Variants in FOXF2 observed in about 807,000 individuals in gnomAD.
The protein encoded by FOXF2 is forkhead box F2, also known as forkhead box protein F2.
In FOXF2, 15 loss-of-function variants were observed where a neutral mutation model predicts 29.1. The ratio of observed to expected loss-of-function variants is 0.52; its 90% CI spans 0.35 to 0.79. The LOEUF (loss-of-function observed/expected upper bound fraction) is 0.79. FOXF2 is among the 30% of genes least tolerant of loss of function. The pLI is 0.01. For synonymous variants in FOXF2, 337 were observed against 316.5 expected, an observed-to-expected ratio of 1.06 and a Z score of -0.69; for missense variants, 675 against 667.1, an observed-to-expected ratio of 1.01 and a Z score of -0.13.
At position 1,390,633 on chromosome 6, in the gene FOXF2, C is replaced by T; in HGVS notation, c.686C>T (p.Ala229Val). The T allele has an allele frequency of 6.3e-7, 1 of 1,581,774 alleles. No homozygotes were observed. The highest frequency in any genetic ancestry group is 8.5e-7 in the Non-Finnish European group (1 of 1,172,186). Residue 229 changes from alanine to valine, a missense_variant, in exon 1 of 2, where the codon GCG becomes GTG. Transcript: ENST00000645481. This position sits in a 1 kb window ranked among gnomAD's most constrained non-coding sequence, Gnocchi z 8.5. Reference sequence around the variant, plus strand: ...CTGCCCCAGGGCTTCGACTTCCAGGCGCCCCCGTCGGCGCCGCTCGGCTGC... The same window carrying T: ...CTGCCCCAGGGCTTCGACTTCCAGGTGCCCCCGTCGGCGCCGCTCGGCTGC... The part of the protein sequence containing the change: ...SLLPQGFDFQ[A>V]PPSAPLGCHS...
Position 1,390,446 on chromosome 6 carries a change from C to G in FOXF2, c.499C>G (p.Arg167Gly), listed in dbSNP as rs1758757756. Residue 167 changes from arginine to glycine, a missense_variant, in exon 1 of 2, where the codon CGG becomes GGG. Arg to Gly is a moderately radical substitution (Grantham distance 125, BLOSUM62 -2). Around this residue, in one of 3 missense-constraint regions of FOXF2, gnomAD observed 451 missense variants for 437.2 expected, o/e 1.03. Coordinates refer to ENST00000645481, the MANE Select transcript of FOXF2 (RefSeq NM_001452.2). This position sits in a 1 kb window ranked among gnomAD's most constrained non-coding sequence, Gnocchi z 8.5. ...CFIKLPKGLG[R>G]PGKGHYWTID... ...CATCAAGCTGCCTAAGGGCCTCGGG[C>G]GGCCCGGCAAGGGCCACTACTGGAC... 2 of 1,611,910 alleles carry G rather than the reference C, an allele frequency of 1.2e-6. No individual in the cohort carries two copies. The highest frequency in any genetic ancestry group is 1.7e-6 in the Non-Finnish European group (2 of 1,179,916).
In FOXF2 at chr6:1,395,154, G is replaced by A. The variant is rs1581264330; in HGVS notation, c.*295G>A. The A allele has an allele frequency of 4.4e-6, 2 of 451,240 alleles. No homozygotes were observed. Among genetic ancestry groups the A allele is most frequent in the East Asian group, 8.1e-5 (2 of 24,600 alleles). 28.0% of individuals were successfully genotyped at this position (451,240 alleles called of 1,614,324 possible). A position where few individuals can be genotyped will look rare whatever the true frequency, so the allele number is the denominator to read the frequency against. The stretch of plus-strand genomic sequence containing the variant: ...GCGTAAGGCATCAACGTGTATCTGT[G>A]GGATCTTCGTTGCCTTCAGTAATCA... On this transcript the variant is annotated 3_prime_UTR_variant, in exon 2 of 2. Coordinates refer to ENST00000645481, the MANE Select transcript of FOXF2 (RefSeq NM_001452.2).
chr6:1,392,434 T>A lies in FOXF2; in HGVS notation c.1171+1316T>A, dbSNP rs562031994. ...TGTATTCCCTTGGACCGGCTGTCAATCACACACACACACACACACACACAC... is the reference window on the plus strand; with the variant it reads ...TGTATTCCCTTGGACCGGCTGTCAAACACACACACACACACACACACACAC... On this transcript the variant is annotated intron_variant, in intron 1 of 1. Coordinates refer to ENST00000645481, the MANE Select transcript of FOXF2 (RefSeq NM_001452.2). Among the ~76,000 whole-genome samples the A allele has an allele frequency of 2.0e-3, 218 of 107,770 alleles. 3 individuals are homozygous for A. The highest frequency in any genetic ancestry group is 6.8e-3 in the African/African-American group (202 of 29,492). The allele number at this position is 107,770 out of a possible 152,430, so 70.7% of individuals were successfully genotyped here.
At chr6:1,393,283 C>T (rs978603895) in intron 1 of FOXF2, among the ~76,000 whole-genome samples, 2 of 152,082 alleles carry the variant, frequency 1.3e-5, no homozygotes, top group African/African-American at 4.8e-5. Flanking sequence ...CCATTAAGCC[C>T]TGCGAGCACT....
chr6:1,390,636 C>T lies in FOXF2; in HGVS notation c.689C>T (p.Pro230Leu), dbSNP rs1448979553. The T allele has an allele frequency of 4.7e-5, 74 of 1,581,558 alleles. No individual in the cohort carries two copies. The highest frequency in any genetic ancestry group is 6.0e-5 in the Non-Finnish European group (70 of 1,172,084). The stretch of plus-strand genomic sequence containing the variant: ...CCCCAGGGCTTCGACTTCCAGGCGC[C>T]CCCGTCGGCGCCGCTCGGCTGCCAC... ...LLPQGFDFQA[P>L]PSAPLGCHSQ... Residue 230 changes from proline to leucine, a missense_variant, in exon 1 of 2, where the codon CCC (proline) becomes CTC (leucine). Pro to Leu is a moderately conservative substitution (Grantham distance 98, BLOSUM62 -3). Transcript: ENST00000645481. The surrounding 1 kb of genome is among the most constrained non-coding windows in gnomAD (Gnocchi z 8.5).
chr6:1,393,302 G>T (rs1363817843), intron 1 of FOXF2, among the ~76,000 whole-genome samples: 1 of 151,966 alleles, frequency 6.6e-6, no homozygotes, highest in Non-Finnish European at 1.5e-5. Context: ...CTTCAGGAAG[G>T]AGCTCGGGCT....
In FOXF2 at chr6:1,390,355, C is replaced by T. The variant is rs1188443270; in HGVS notation, c.408C>T (p.Phe136=). 1.2e-6 allele frequency: 2 copies of T among 1,613,028 alleles called. No individual in the cohort carries two copies. Among genetic ancestry groups the T allele is most frequent in the Admixed American group, 3.3e-5 (2 of 60,034 alleles). The change falls in exon 1 of 2, where the codon TTC becomes TTT. Residue 136 remains phenylalanine, a synonymous_variant. Transcript: ENST00000645481. This position sits in a 1 kb window ranked among gnomAD's most constrained non-coding sequence, Gnocchi z 8.5. ...AGTTCCTGCAGGCGCGCTTCCCCTT[C>T]TTCCGCGGCGCCTACCAGGGCTGGA... ...IYQFLQARFP[F]FRGAYQGWKN...
intron 1 of FOXF2, 115 bp from the exon 2 acceptor site, chr6:1,394,581 G>A: frequency 3.2e-6 from 3 of 947,806 alleles, no homozygotes; most frequent in Non-Finnish European, 5.1e-6. Context: ...CAGCTGTCTA[G>A]CAATTTACTA....
intron 1 of FOXF2, among the ~76,000 whole-genome samples, chr6:1,392,683 C>T (rs1021456541): frequency 6.6e-6 from 1 of 152,196 alleles, no homozygotes; most frequent in African/African-American, 2.4e-5. Context: ...TTCCTCAAGG[C>T]TGCTCTCGCC....
intron 1 of FOXF2, among the ~76,000 whole-genome samples, chr6:1,391,674 A>C (rs766830207): frequency 6.6e-6 from 1 of 152,014 alleles, no homozygotes; most frequent in African/African-American, 2.4e-5. Flanking sequence ...TCTTTCACTA[A>C]AGGGACATTT....
chr6:1,395,043 C>A lies in FOXF2; in HGVS notation c.*184C>A, dbSNP rs969379671. 4.7e-6 allele frequency: 3 copies of A among 641,394 alleles called. No individual in the cohort carries two copies. Among genetic ancestry groups the A allele is most frequent in the Middle Eastern group, 4.2e-4 (1 of 2,360 alleles). The allele number at this position is 641,394 out of a possible 1,614,324, so 39.7% of individuals were successfully genotyped here. ...TGCCTACTGCTGGAAGAAGGACAAC[C>A]GCTGGCAAGGTAGCGTTCCCCAATC... On this transcript the variant is annotated 3_prime_UTR_variant, in exon 2 of 2. Coordinates refer to ENST00000645481, the MANE Select transcript of FOXF2 (RefSeq NM_001452.2).
Position 1,390,757 on chromosome 6 carries a change from C to G in FOXF2, c.810C>G (p.His270Gln), listed in dbSNP as rs1758768607. The G allele has an allele frequency of 7.1e-7, 1 of 1,406,326 alleles. No homozygotes were observed. Among genetic ancestry groups the G allele is most frequent in the Non-Finnish European group, 9.2e-7 (1 of 1,092,106 alleles). 87.1% of individuals were successfully genotyped at this position (1,406,326 alleles called of 1,614,324 possible). The change falls in exon 1 of 2, where the codon CAC (histidine) becomes CAG (glutamine). Residue 270 changes from histidine (H) to glutamine (Q), a missense_variant. Around this residue, in one of 3 missense-constraint regions of FOXF2, gnomAD observed 451 missense variants for 437.2 expected, o/e 1.03. Transcript: ENST00000645481. This position sits in a 1 kb window ranked among gnomAD's most constrained non-coding sequence, Gnocchi z 8.5. ...ACGCGCACCCTCACCACCACCACCA[C>G]CACCACGTCCCGCACATGTCGCCCA... ...PSHAHPHHHH[H>Q]HHVPHMSPNP...
At chr6:1,391,218 A>G (rs1258369610) in intron 1 of FOXF2, 100 bp downstream of exon 1, 1 of 1,547,048 alleles carries the variant, frequency 6.5e-7, no homozygotes, top group Non-Finnish European at 8.7e-7. Context: ...CCCCGAAGCT[A>G]GGAGGTCTGA....
At chr6:1,394,675 T>C (rs1758863172) in intron 1 of FOXF2, 21 bp from the exon 2 acceptor site, 1 of 1,613,622 alleles carries the variant, frequency 6.2e-7, no homozygotes, top group African/African-American at 1.3e-5. Flanking sequence ...TGAAGAGGTT[T>C]TTTTTTCTTT....
At chr6:1,393,125 C>G (rs1438969241) in intron 1 of FOXF2, among the ~76,000 whole-genome samples, 1 of 152,054 alleles carries the variant, frequency 6.6e-6, no homozygotes, top group Non-Finnish European at 1.5e-5. Flanking sequence ...GCAGTCTCCC[C>G]GGCACACAGA....
Position 1,394,681 on chromosome 6 carries a change from T to C in FOXF2, c.1172-15T>C. The C allele has an allele frequency of 1.9e-6, 3 of 1,614,018 alleles. No homozygotes were observed. The highest frequency in any genetic ancestry group is 2.5e-6 in the Non-Finnish European group (3 of 1,179,976). On this transcript the variant is annotated splice_polypyrimidine_tract_variant and intron_variant, in intron 1 of 1. Transcript: ENST00000645481. ...CTTTGTTTCTGAAGAGGTTTTTTTT[T>C]CTTTCTTCTTTCAGTGGGACTGCCC...
At chr6:1,394,565 C>T (rs1758861417) in intron 1 of FOXF2, 131 bp from the exon 2 acceptor site, 1 of 811,130 alleles carries the variant, frequency 1.2e-6, no homozygotes, top group African/African-American at 1.7e-5. Context: ...GCTGGGCTTT[C>T]TCTACCAGCT....
chr6:1,394,886 T>TCTCTC lies in FOXF2; in HGVS notation c.*34_*38dup. On this transcript the variant is annotated 3_prime_UTR_variant, in exon 2 of 2. Transcript: ENST00000645481. ...CGGAAAGAGGCCAAGCGATGGCCGCTCTCTCCTCTCCCCTCCTCAGAGGGG... is the reference window on the plus strand; with the variant it reads ...CGGAAAGAGGCCAAGCGATGGCCGCTCTCTCCTCTCCTCTCCCCTCCTCAGAGGGG... The TCTCTC allele has an allele frequency of 6.2e-7, 1 of 1,612,658 alleles. No homozygotes were observed. The highest frequency in any genetic ancestry group is 8.5e-7 in the Non-Finnish European group (1 of 1,178,800).
In FOXF2 at chr6:1,390,153, C is replaced by A. The variant is rs1346381007; in HGVS notation, c.206C>A (p.Pro69His). 1.4e-6 allele frequency: 2 copies of A among 1,461,304 alleles called. No individual in the cohort carries two copies. Among genetic ancestry groups the A allele is most frequent in the East Asian group, 5.5e-5 (2 of 36,080 alleles). The allele number at this position is 1,461,304 out of a possible 1,614,324, so 90.5% of individuals were successfully genotyped here. Residue 69 changes from proline (P) to histidine (H), a missense_variant, in exon 1 of 2, where the codon CCC becomes CAC. Physicochemically the swap from Pro to His is moderately conservative, Grantham distance 77. This residue lies in a region of FOXF2 where 220 missense variants were observed against 205.5 expected (regional missense o/e 1.07). Transcript: ENST00000645481. This position sits in a 1 kb window ranked among gnomAD's most constrained non-coding sequence, Gnocchi z 8.5. ...SSSSSNSASAPSAACKSAGGG... is the reference protein window; with the variant it reads ...SSSSSNSASAHSAACKSAGGG... Reference sequence around the variant, plus strand: ...TCCTCCTCCAATTCGGCCAGCGCCCCCTCGGCTGCCTGCAAGAGCGCGGGC... The same window carrying A: ...TCCTCCTCCAATTCGGCCAGCGCCCACTCGGCTGCCTGCAAGAGCGCGGGC...
Sources: allele counts gnomAD v4.1 joint callset (sites outside exome capture counted in the v4.1 genomes callset), GRCh38; gene constraint gnomAD v4.1.1; regional missense constraint gnomAD v4.1.1; non-coding constraint Gnocchi (gnomAD v3.1); transcripts MANE v1.5; gene names NCBI Gene and HGNC (gene_info 2026-07-23, HGNC 2026-07-21).